The following ARAP2 variants were observed in gnomAD, a reference collection of about 807,000 sequenced individuals.
ARAP2 encodes arf-GAP with Rho-GAP domain, ANK repeat and PH domain-containing protein 2.
In ARAP2, 148 loss-of-function variants were observed where a neutral mutation model predicts 194.5. That is an observed-to-expected ratio of 0.76 (90% CI 0.67 to 0.87). The LOEUF is 0.87. Ranked by LOEUF, ARAP2 falls within the 40% of genes least tolerant of loss-of-function variation. The pLI is 0.00. For synonymous variants in ARAP2, 695 were observed against 683.5 expected, an observed-to-expected ratio of 1.02 and a Z score of -0.26; for missense variants, 2,128 against 1,989.7, an observed-to-expected ratio of 1.07 and a Z score of -1.32.
At chr4:36,194,759 T>C (rs1157005306) in intron 6 of ARAP2, among the ~76,000 whole-genome samples, 1 of 152,172 alleles carries the variant, frequency 6.6e-6, no homozygotes, top group Non-Finnish European at 1.5e-5. Context: ...GATTCTTTAC[T>C]GCAGACAACA....
chr4:36,168,431 C>T (rs1735795138), intron 9 of ARAP2, among the ~76,000 whole-genome samples: 1 of 152,110 alleles, frequency 6.6e-6, no homozygotes, highest in Non-Finnish European at 1.5e-5. Flanking sequence ...GTCTTAACCG[C>T]CTACACCACC....
At chr4:36,216,122 G>T (rs1747891434) in intron 2 of ARAP2, among the ~76,000 whole-genome samples, 1 of 151,834 alleles carries the variant, frequency 6.6e-6, no homozygotes, top group South Asian at 2.1e-4. Context: ...TGGGTGTGGT[G>T]GTGCATGCCT....
intron 30 of ARAP2, among the ~76,000 whole-genome samples, chr4:36,081,553 T>C (rs1357557877): frequency 1.3e-5 from 2 of 152,134 alleles, no homozygotes; most frequent in African/African-American, 2.4e-5. Context: ...CTTGATCCTA[T>C]AGGTGAAAGA....
intron 9 of ARAP2, among the ~76,000 whole-genome samples, chr4:36,012,273 G>A (rs1567486): frequency 0.44 from 67,474 of 151,916 alleles, 15,797 homozygotes; most frequent in African/African-American, 0.58. Flanking sequence ...CTTGTCAGGT[G>A]CAACTTGGAC....
chr4:36,006,468 G>C (rs1418845758), intron 10 of ARAP2: 1 of 152,168 alleles, frequency 6.6e-6, no homozygotes, highest in Non-Finnish European at 1.5e-5. Flanking sequence ...TGTGGTTAGT[G>C]TGTAGTAGAA....
At chr4:36,057,040 G>C (rs1577682712) in intron 2 of ARAP2, among the ~76,000 whole-genome samples, 1 of 105,364 alleles carries the variant, frequency 9.5e-6, no homozygotes. Context: ...AACATTATCT[G>C]TAGTTTTTTG....
chr4:36,023,638 A>C (rs779801171), intron 5 of ARAP2, among the ~76,000 whole-genome samples: 16 of 152,116 alleles, frequency 1.1e-4, no homozygotes, highest in Non-Finnish European at 1.9e-4. Context: ...TGTTTTTCCA[A>C]ATTGCCATTG....
chr4:36,162,083 G>A (rs1734185036), intron 11 of ARAP2, among the ~76,000 whole-genome samples: 1 of 145,818 alleles, frequency 6.9e-6, no homozygotes, highest in African/African-American at 2.6e-5. Flanking sequence ...ACTCCAGCCT[G>A]GGCGACAGAG....
At chr4:36,010,156 T>C (rs1714188871) in intron 9 of ARAP2, among the ~76,000 whole-genome samples, 2 of 151,258 alleles carry the variant, frequency 1.3e-5, no homozygotes, top group South Asian at 4.2e-4. Context: ...AATATAATTA[T>C]ATGTTGTCAT....
In ARAP2 at chr4:36,180,686, A is replaced by C. The variant is rs55878833; in HGVS notation, c.1679-2681T>G. ...CCTAAGTGTCTATGGCTTTTAGATT[A>C]CTGTTAGCATATATTTCAGTTTCTC... On this transcript the variant is annotated intron_variant, in intron 8 of 32. Coordinates refer to ENST00000303965, the MANE Select transcript of ARAP2 (RefSeq NM_015230.4). 1.2e-3 allele frequency among the ~76,000 whole-genome samples: 188 copies of C among 152,332 alleles called. 1 individual carries two copies. The highest frequency in any genetic ancestry group is 4.3e-3 in the African/African-American group (180 of 41,574).
intron 5 of ARAP2, among the ~76,000 whole-genome samples, chr4:36,021,981 C>G (rs1717028999): frequency 6.6e-6 from 1 of 152,162 alleles, no homozygotes; most frequent in South Asian, 2.1e-4. Context: ...TAGCCTATTT[C>G]TCCCAGGCCA....
intron 1 of ARAP2, among the ~76,000 whole-genome samples, chr4:36,231,514 C>G (rs900006014): frequency 1.3e-5 from 2 of 152,002 alleles, no homozygotes; most frequent in Admixed American, 6.6e-5. Flanking sequence ...ACCAATGGAA[C>G]AATAAGTGGA....
chr4:36,217,796 C>T (rs947226814), intron 2 of ARAP2, among the ~76,000 whole-genome samples: 2 of 149,960 alleles, frequency 1.3e-5, no homozygotes, highest in Non-Finnish European at 3.0e-5. Context: ...ATATGAAATA[C>T]TAGATATATG....
At chr4:36,181,507 T>C (rs1259149992) in intron 8 of ARAP2, among the ~76,000 whole-genome samples, 2 of 152,140 alleles carry the variant, frequency 1.3e-5, no homozygotes, top group Non-Finnish European at 2.9e-5. Context: ...ATACTAGAGA[T>C]TACTACATAA....
At chr4:36,167,331 T>C (rs987970808) in intron 9 of ARAP2, among the ~76,000 whole-genome samples, 2 of 152,150 alleles carry the variant, frequency 1.3e-5, no homozygotes, top group African/African-American at 4.8e-5. Context: ...ATATTCACCC[T>C]TATCCATTCA....
chr4:36,079,444 C>A (rs1005267548), intron 31 of ARAP2, among the ~76,000 whole-genome samples: 1 of 152,078 alleles, frequency 6.6e-6, no homozygotes, highest in African/African-American at 2.4e-5. Context: ...CAGGAAAATA[C>A]CTCCTCAGTA....
intron 3 of ARAP2, among the ~76,000 whole-genome samples, chr4:36,048,992 C>G (rs1722251774): frequency 6.6e-6 from 1 of 151,932 alleles, no homozygotes. Context: ...CTAACCGGTA[C>G]CATACTGTGT....
intron 19 of ARAP2, among the ~76,000 whole-genome samples, chr4:36,140,744 C>T (rs572345784): frequency 2.0e-5 from 3 of 151,768 alleles, no homozygotes; most frequent in African/African-American, 7.2e-5. Flanking sequence ...TAATCTGTTC[C>T]ATAATTGTGA....
chr4:36,175,830 C>CT (rs1412457693), intron 9 of ARAP2, among the ~76,000 whole-genome samples: 2 of 152,054 alleles, frequency 1.3e-5, no homozygotes, highest in Non-Finnish European at 2.9e-5. Context: ...ATCAGATGCC[C>CT]TTTTTTTGCA....
Sources: gnomAD v4.1 joint callset for allele counts (sites outside exome capture counted in the v4.1 genomes callset) on GRCh38, gnomAD v4.1.1 for gene constraint, MANE v1.5 for transcripts, NCBI Gene and HGNC (gene_info 2026-07-23, HGNC 2026-07-21) for gene names.